CACNB2: variants seen among roughly 807,000 people sequenced by gnomAD.
CACNB2 encodes voltage-dependent L-type calcium channel subunit beta-2.
A neutral mutation model predicts 73.3 loss-of-function variants in CACNB2; 42 were observed. That is an observed-to-expected ratio of 0.57 (90% confidence interval 0.45 to 0.74). The LOEUF is 0.74. Ranked by LOEUF, CACNB2 falls within the 30% of genes least tolerant of loss-of-function variation. CACNB2 has a pLI of 0.00. For missense variants in CACNB2, 940 were observed against 853.0 expected (o/e 1.10, Z -1.27); for synonymous variants, 348 against 310.3 (o/e 1.12, Z -1.28).
In CACNB2 at chr10:18,140,764, C is replaced by T; in HGVS notation, c.28C>T (p.Pro10Ser). 6.3e-7 allele frequency: 1 copy of T among 1,596,278 alleles called. No individual in the cohort carries two copies. The highest frequency in any genetic ancestry group is 8.5e-7 in the Non-Finnish European group (1 of 1,173,098). Residue 10 changes from proline to serine, a missense_variant, in exon 1 of 14, where the codon CCT (proline) becomes TCT (serine). Coordinates refer to ENST00000324631, the MANE Select transcript of CACNB2 (RefSeq NM_201596.3). Reference protein sequence around the residue: MVQRDMSKSPPTAAAAVAQE... With the variant: MVQRDMSKSSPTAAAAVAQE... ...GGTCCAAAGGGACATGTCCAAGTCG[C>T]CTCCCACAGCGGCGGCGGCGGTGGC... is the stretch of plus-strand genomic sequence containing the variant.
intron 2 of CACNB2, among the ~76,000 whole-genome samples, chr10:18,302,443 AC>A (rs1445229800): frequency 3.3e-5 from 5 of 152,198 alleles, no homozygotes; most frequent in Non-Finnish European, 7.3e-5. Flanking sequence ...TGTGGAACCA[AC>A]CCAAATGCCC....
At chr10:18,241,579 A>T (rs1015597889) in intron 2 of CACNB2, among the ~76,000 whole-genome samples, 2 of 152,110 alleles carry the variant, frequency 1.3e-5, no homozygotes, top group African/African-American at 4.8e-5. Context: ...AACTTGAAGT[A>T]TATTAAAAAA....
intron 2 of CACNB2, among the ~76,000 whole-genome samples, chr10:18,326,148 G>T (rs566961564): frequency 6.6e-6 from 1 of 151,790 alleles, no homozygotes; most frequent in South Asian, 2.1e-4. Context: ...AGCTACTACA[G>T]TTATTCAGAG....
At chr10:18,161,941 A>G (rs2032497173) in intron 2 of CACNB2, among the ~76,000 whole-genome samples, 1 of 152,132 alleles carries the variant, frequency 6.6e-6, no homozygotes, top group Admixed American at 6.5e-5. Flanking sequence ...AAATAAAATA[A>G]TAAAATAAAA....
In CACNB2 at chr10:18,421,924, G is replaced by A. The variant is rs149646342; in HGVS notation, c.333+19881G>A. 2.6e-3 allele frequency among the ~76,000 whole-genome samples: 401 copies of A among 152,282 alleles called. 4 individuals carry two copies. The highest frequency in any genetic ancestry group is 0.019 in the South Asian group (90 of 4,824). ...CACCACATAAATTCTTAGAGTTCTGGGTTTAGCTGTAGTGTTTAGTCTAGT... is the reference window on the plus strand; with the variant it reads ...CACCACATAAATTCTTAGAGTTCTGAGTTTAGCTGTAGTGTTTAGTCTAGT... On this transcript the variant is annotated intron_variant, in intron 3 of 13. Coordinates refer to ENST00000324631, the MANE Select transcript of CACNB2 (RefSeq NM_201596.3).
intron 2 of CACNB2, among the ~76,000 whole-genome samples, chr10:18,300,915 A>T (rs971900659): frequency 3.3e-5 from 5 of 152,206 alleles, no homozygotes; most frequent in African/African-American, 1.2e-4. Context: ...GAAAAAAAGT[A>T]ACAGAATATT....
intron 2 of CACNB2, among the ~76,000 whole-genome samples, chr10:18,157,062 C>CAAAA (rs528189125): frequency 8.6e-6 from 1 of 116,304 alleles, no homozygotes; most frequent in Non-Finnish European, 1.9e-5. Context: ...AACTTTGTCT[C>CAAAA]AAAAAAAAAA....
chr10:18,346,262 C>T (rs2041449045), intron 2 of CACNB2, among the ~76,000 whole-genome samples: 1 of 152,126 alleles, frequency 6.6e-6, no homozygotes, highest in Admixed American at 6.5e-5. Context: ...GCCTCAGCCT[C>T]TTGAGTAGCT....
At chr10:18,211,589 T>C (rs1411121722) in intron 2 of CACNB2, among the ~76,000 whole-genome samples, 2 of 152,208 alleles carry the variant, frequency 1.3e-5, no homozygotes, top group Non-Finnish European at 2.9e-5. Flanking sequence ...ATTTTTATTA[T>C]ACACGTGTAT....
At chr10:18,478,369 C>A (rs1459564050) in intron 3 of CACNB2, among the ~76,000 whole-genome samples, 1 of 152,178 alleles carries the variant, frequency 6.6e-6, no homozygotes, top group Non-Finnish European at 1.5e-5. Context: ...TTCATTTTCC[C>A]TTAAGAATTG....
At chr10:18,436,010 C>T (rs2046119001) in intron 3 of CACNB2, among the ~76,000 whole-genome samples, 1 of 152,154 alleles carries the variant, frequency 6.6e-6, no homozygotes, top group Admixed American at 6.5e-5. Flanking sequence ...ACTTTAAGTA[C>T]TCTAAAATGC....
chr10:18,169,877 T>C (rs2033111681), intron 2 of CACNB2, among the ~76,000 whole-genome samples: 2 of 152,224 alleles, frequency 1.3e-5, no homozygotes, highest in Admixed American at 1.3e-4. Context: ...AGGACATTTA[T>C]GGACTCATGT....
intron 2 of CACNB2, among the ~76,000 whole-genome samples, chr10:18,394,547 C>G (rs557450136): frequency 3.9e-5 from 6 of 152,214 alleles, no homozygotes; most frequent in South Asian, 2.1e-4. Context: ...TTGTTATATA[C>G]TCATTTTACA....
At chr10:18,491,819 T>TAAAAAAAAAAAAAAAAAAAAAAAAAAAAA (rs68179779) in intron 3 of CACNB2, among the ~76,000 whole-genome samples, 1 of 65,594 alleles carries the variant, frequency 1.5e-5, no homozygotes, top group African/African-American at 5.0e-5. Flanking sequence ...TCAAGTTGGT[T>TAAAAAAAAAAAAAAAAAAAAAAAAAAAAA]AAAAAAAAAA....
At chr10:18,312,429 AC>A (rs2039996354) in intron 2 of CACNB2, among the ~76,000 whole-genome samples, 1 of 152,230 alleles carries the variant, frequency 6.6e-6, no homozygotes, top group African/African-American at 2.4e-5. Flanking sequence ...GGACTTGCCC[AC>A]AAAGGAATAA....
chr10:18,194,651 A>G (rs1038487383), intron 2 of CACNB2, among the ~76,000 whole-genome samples: 2 of 152,138 alleles, frequency 1.3e-5, no homozygotes, highest in Non-Finnish European at 2.9e-5. Flanking sequence ...TGTGGGGGAG[A>G]TATATTTTGT....
chr10:18,322,545 A>G (rs2040433300), intron 2 of CACNB2, among the ~76,000 whole-genome samples: 1 of 152,230 alleles, frequency 6.6e-6, no homozygotes, highest in African/African-American at 2.4e-5. Flanking sequence ...GCCGATTAGA[A>G]ACAAAGATCT....
rs773767571 is a variant in CACNB2 at position 18,540,637 on chromosome 10, T to A, written c.*913T>A. 8.5e-5 allele frequency: 13 copies of A among 152,264 alleles called. No individual in the cohort carries two copies. Among genetic ancestry groups the A allele is most frequent in the Non-Finnish European group, 1.8e-4 (12 of 68,022 alleles). The allele number at this position is 152,264 out of a possible 1,614,324, so 9.4% of individuals were successfully genotyped here. On this transcript the variant is annotated 3_prime_UTR_variant, in exon 14 of 14. Transcript: ENST00000324631. ...TTGTTCTACTCCATACAGTTCACAC[T>A]GATTGTGACACATTCTTAGTAGCTA...
At chr10:18,261,952 T>A (rs2037564791) in intron 2 of CACNB2, 2 of 518,876 alleles carry the variant, frequency 3.9e-6, no homozygotes, top group African/African-American at 1.9e-5. Context: ...CATGATTGGA[T>A]GCTAATTGCA....
Sources: allele counts gnomAD v4.1 joint callset (sites outside exome capture counted in the v4.1 genomes callset), GRCh38; gene constraint gnomAD v4.1.1; transcripts MANE v1.5; gene names NCBI Gene and HGNC (gene_info 2026-07-23, HGNC 2026-07-21).